The following PLD5 variants were observed in gnomAD, a reference collection of about 807,000 sequenced individuals.
PLD5 encodes inactive phospholipase D5.
PLD5 carries 36 observed loss-of-function variants against 61.1 expected under a neutral mutation model. The observed-to-expected ratio is 0.59, with a 90% CI of 0.45 to 0.78. The LOEUF (loss-of-function observed/expected upper bound fraction) is 0.78, where lower values mean the gene tolerates loss of function less well. Among genes scored for constraint, PLD5 ranks in the 30% least tolerant of loss-of-function variants. PLD5 has a pLI of 0.00. For synonymous variants in PLD5, 243 were observed against 242.8 expected (o/e 1.00, Z -0.01); for missense variants, 515 against 644.4 (o/e 0.80, Z 2.17).
intron 2 of PLD5, among the ~76,000 whole-genome samples, chr1:242,337,519 T>C (rs1344392411): frequency 1.3e-5 from 2 of 152,096 alleles, no homozygotes; most frequent in Non-Finnish European, 2.9e-5. Context: ...TAATCCCAGA[T>C]ACTCAGTAGG....
intron 2 of PLD5, among the ~76,000 whole-genome samples, chr1:242,311,488 A>G (rs1006232935): frequency 2.0e-5 from 3 of 152,138 alleles, no homozygotes; most frequent in Non-Finnish European, 4.4e-5. Flanking sequence ...CACTTTGAGA[A>G]CCACTGGTTA....
intron 5 of PLD5, among the ~76,000 whole-genome samples, chr1:242,168,850 T>TA (rs1279631151): frequency 7.6e-6 from 1 of 132,180 alleles, no homozygotes; most frequent in African/African-American, 2.9e-5. Context: ...AATGAAGTTT[T>TA]TTTTTTTTTT....
chr1:242,218,461 T>A (rs1412877939), intron 5 of PLD5, among the ~76,000 whole-genome samples: 1 of 152,220 alleles, frequency 6.6e-6, no homozygotes, highest in East Asian at 1.9e-4. Flanking sequence ...ACATACTGAC[T>A]TCCTAGTTTT....
chr1:242,370,204 C>T (rs1401669069), intron 1 of PLD5, among the ~76,000 whole-genome samples: 1 of 152,176 alleles, frequency 6.6e-6, no homozygotes, highest in African/African-American at 2.4e-5. Context: ...GGAAGAGACC[C>T]TTGGGAAGTA....
chr1:242,169,968 G>T (rs1666623543), intron 5 of PLD5, among the ~76,000 whole-genome samples: 1 of 152,196 alleles, frequency 6.6e-6, no homozygotes, highest in South Asian at 2.1e-4. Context: ...ATCTCTCTGG[G>T]ACAGAGCACC....
At chr1:242,405,002 C>T (rs1410095447) in intron 1 of PLD5, among the ~76,000 whole-genome samples, 1 of 150,710 alleles carries the variant, frequency 6.6e-6, no homozygotes, top group Non-Finnish European at 1.5e-5. Flanking sequence ...GCCTCAGCCT[C>T]CTGAGTAACT....
rs1558468149 is a variant in PLD5, at chr1:242,327,475, AG to A, written c.326+20630del. On this transcript the variant is annotated intron_variant, in intron 2 of 9. Transcript: ENST00000536534. ...AGCTGCAATTCCTTGTATTAGCCCTAGAACAGAACAATGTGCTGAACAGCTC... is the reference window on the plus strand; with the variant it reads ...AGCTGCAATTCCTTGTATTAGCCCTAAACAGAACAATGTGCTGAACAGCTC... Among the ~76,000 whole-genome samples, 8 of 152,358 alleles carry A rather than the reference AG, an allele frequency of 5.3e-5. No homozygotes were observed. The South Asian group carries it at 1.7e-3, about 32-fold the overall frequency.
At chr1:242,353,539 G>C (rs1488626248) in intron 1 of PLD5, among the ~76,000 whole-genome samples, 2 of 152,048 alleles carry the variant, frequency 1.3e-5, no homozygotes, top group African/African-American at 2.4e-5. Context: ...TTTTAGGACT[G>C]TGTTCTCTAT....
intron 2 of PLD5, among the ~76,000 whole-genome samples, chr1:242,307,134 C>A (rs568431574): frequency 6.6e-6 from 1 of 152,174 alleles, no homozygotes. Context: ...AAGTTGGATT[C>A]TCCTGTATTT....
chr1:242,453,750 T>C (rs1373156926), intron 1 of PLD5, among the ~76,000 whole-genome samples: 1 of 152,108 alleles, frequency 6.6e-6, no homozygotes, highest in Non-Finnish European at 1.5e-5. Flanking sequence ...ACTTATCCCA[T>C]AGCTGCAGAA....
rs1430263480 is a variant in PLD5 at position 242,524,340 on chromosome 1, C to A, written c.-64G>T. 2.8e-5 allele frequency: 37 copies of A among 1,328,778 alleles called. No homozygotes were observed. Among genetic ancestry groups the A allele is most frequent in the Non-Finnish European group, 3.1e-5 (32 of 1,040,754 alleles). 82.3% of individuals were successfully genotyped at this position (1,328,778 alleles called of 1,614,324 possible). On this transcript the variant is annotated 5_prime_UTR_variant, in exon 1 of 10. Coordinates refer to ENST00000536534, the MANE Select transcript of PLD5 (RefSeq NM_001372062.1). ...CGGGACGGGCGCGCGGGGAGCCGGG[C>A]GCGGAGGGCGAGCGGGAGGCCCAGC...
At chr1:242,369,224 A>G (rs1385812989) in intron 1 of PLD5, among the ~76,000 whole-genome samples, 1 of 152,196 alleles carries the variant, frequency 6.6e-6, no homozygotes, top group African/African-American at 2.4e-5. Flanking sequence ...ATGAGTTTGG[A>G]AACAATTCAA....
chr1:242,193,884 G>A (rs546994970), intron 5 of PLD5, among the ~76,000 whole-genome samples: 16 of 152,292 alleles, frequency 1.1e-4, no homozygotes, highest in African/African-American at 3.8e-4. Context: ...AATTGACAGG[G>A]ATGATTATCC....
At chr1:242,368,928 A>G (rs1226195381) in intron 1 of PLD5, among the ~76,000 whole-genome samples, 1 of 152,156 alleles carries the variant, frequency 6.6e-6, no homozygotes, top group Non-Finnish European at 1.5e-5. Context: ...CTATCTGCCT[A>G]AAATAATTTC....
intron 3 of PLD5, among the ~76,000 whole-genome samples, chr1:242,269,698 A>G (rs1029159584): frequency 2.0e-5 from 3 of 152,110 alleles, no homozygotes; most frequent in African/African-American, 7.2e-5. Context: ...CCAGGTGGGG[A>G]AGGCAAGTTA....
At chr1:242,344,263 C>CCGAA (rs1365986162) in intron 2 of PLD5, among the ~76,000 whole-genome samples, 1 of 152,174 alleles carries the variant, frequency 6.6e-6, no homozygotes. Context: ...CTACAGCCTA[C>CCGAA]CGAAGCCAAT....
chr1:242,437,610 T>G (rs1034729172), intron 1 of PLD5, among the ~76,000 whole-genome samples: 2 of 151,942 alleles, frequency 1.3e-5, no homozygotes, highest in Non-Finnish European at 2.9e-5. Context: ...GGTAGGAGAA[T>G]CACTTGAACC....
intron 1 of PLD5, among the ~76,000 whole-genome samples, chr1:242,383,582 T>C (rs1188710548): frequency 6.6e-6 from 1 of 152,092 alleles, no homozygotes; most frequent in Non-Finnish European, 1.5e-5. Context: ...TAAGCTTTTG[T>C]CTAATTTTAT....
intron 5 of PLD5, among the ~76,000 whole-genome samples, chr1:242,183,002 T>G (rs571552971): frequency 2.6e-5 from 4 of 152,324 alleles, no homozygotes; most frequent in Non-Finnish European, 4.4e-5. Flanking sequence ...ACTAACTCCA[T>G]CCCTAACTCA....
Sources: gnomAD v4.1 joint callset for allele counts (sites outside exome capture counted in the v4.1 genomes callset) on GRCh38, gnomAD v4.1.1 for gene constraint, MANE v1.5 for transcripts, NCBI Gene and HGNC (gene_info 2026-07-23, HGNC 2026-07-21) for gene names.